Variants in GLIS3 observed in about 807,000 individuals in gnomAD.
GLIS3 encodes the protein zinc finger protein GLIS3.
Under a neutral mutation model 78.6 loss-of-function variants are expected in GLIS3, and 53 were observed. That is an observed-to-expected ratio of 0.67 (90% CI 0.54 to 0.85). GLIS3 has a LOEUF of 0.85. GLIS3 is among the 40% of genes least tolerant of loss of function. GLIS3 has a pLI of 0.00. For synonymous variants in GLIS3, 684 were observed against 509.9 expected (o/e 1.34, Z -4.60); for missense variants, 1,703 against 1,231.1 (o/e 1.38, Z -5.74).
chr9:3,881,766 T>C (rs1821744613), intron 7 of GLIS3, among the ~76,000 whole-genome samples: 1 of 152,234 alleles, frequency 6.6e-6, no homozygotes, highest in African/African-American at 2.4e-5. Flanking sequence ...TGTGTGTTCC[T>C]GCCCTTGGGG....
intron 4 of GLIS3, among the ~76,000 whole-genome samples, chr9:4,021,036 C>A (rs539376560): frequency 1.3e-5 from 2 of 152,214 alleles, no homozygotes; most frequent in African/African-American, 4.8e-5. Flanking sequence ...CTAACAGGAA[C>A]TGAGCATCTG....
At chr9:4,261,531 T>C (rs1825528561) in intron 2 of GLIS3, among the ~76,000 whole-genome samples, 1 of 152,154 alleles carries the variant, frequency 6.6e-6, no homozygotes, top group Admixed American at 6.6e-5. Context: ...CTCAGAGTAA[T>C]TCTGAAGGCT....
intron 3 of GLIS3, among the ~76,000 whole-genome samples, chr9:4,120,928 G>C (rs1832128833): frequency 6.6e-6 from 1 of 152,240 alleles, no homozygotes; most frequent in Non-Finnish European, 1.5e-5. Context: ...ACTGTTGAGA[G>C]ATGATTCTTA....
chr9:4,484,063 GAACTTCTATGTAGCAATAGTAT>G, the GLIS3 span, among the ~76,000 whole-genome samples: 1 of 152,102 alleles, frequency 6.6e-6, no homozygotes, highest in African/African-American at 2.4e-5. Context: ...AGCTAAAATG[GAACTTCTATGTAGCAATAGTAT>G]AAATATAGTT....
At chr9:4,319,271 G>T (rs1817484367) in intron 2 of GLIS3, among the ~76,000 whole-genome samples, 1 of 152,058 alleles carries the variant, frequency 6.6e-6, no homozygotes, top group East Asian at 1.9e-4. Flanking sequence ...ACTGTACTTA[G>T]GGGCAACATT....
At chr9:3,903,061 TG>T (rs1277101936) in intron 6 of GLIS3, among the ~76,000 whole-genome samples, 1 of 152,202 alleles carries the variant, frequency 6.6e-6, no homozygotes, top group African/African-American at 2.4e-5. Context: ...TGTAGCTTGT[TG>T]TCATCATAAA....
intron 4 of GLIS3, chr9:4,054,264 C>T: frequency 1.2e-6 from 1 of 863,902 alleles, no homozygotes. Context: ...ACGGTCACTG[C>T]TCTATTCTCA....
the GLIS3 span, among the ~76,000 whole-genome samples, chr9:4,453,144 C>T: frequency 6.6e-6 from 1 of 152,030 alleles, no homozygotes; most frequent in Non-Finnish European, 1.5e-5. Context: ...TTCCTTACAC[C>T]TTATACAAAA....
At chr9:3,845,426 G>A (rs1187407329) in intron 9 of GLIS3, among the ~76,000 whole-genome samples, 1 of 152,092 alleles carries the variant, frequency 6.6e-6, no homozygotes, top group African/African-American at 2.4e-5. Flanking sequence ...AAGAATACTT[G>A]CCAATCTTTT....
At chr9:4,458,884 C>G in the GLIS3 span, among the ~76,000 whole-genome samples, 1 of 152,128 alleles carries the variant, frequency 6.6e-6, no homozygotes, top group East Asian at 1.9e-4. Flanking sequence ...GGGAAAGTGA[C>G]ATGTTCAAAG....
the GLIS3 span, among the ~76,000 whole-genome samples, chr9:4,441,214 G>A: frequency 1.3e-5 from 2 of 152,086 alleles, no homozygotes; most frequent in African/African-American, 2.4e-5. Flanking sequence ...TAAGAAATGG[G>A]CATCTTTGCC....
At chr9:3,968,562 A>C (rs1366583534) in intron 4 of GLIS3, among the ~76,000 whole-genome samples, 2 of 152,196 alleles carry the variant, frequency 1.3e-5, no homozygotes. Flanking sequence ...ATTATATAAG[A>C]AAGCTAAGGT....
chr9:3,928,734 A>C (rs1825418822), intron 6 of GLIS3, among the ~76,000 whole-genome samples: 1 of 152,244 alleles, frequency 6.6e-6, no homozygotes, highest in African/African-American at 2.4e-5. Flanking sequence ...TGCTTGGTTT[A>C]TAACAGCCTG....
At chr9:3,914,242 C>A (rs1358058606) in intron 6 of GLIS3, among the ~76,000 whole-genome samples, 1 of 152,054 alleles carries the variant, frequency 6.6e-6, no homozygotes, top group Non-Finnish European at 1.5e-5. Context: ...AATTCCTGGG[C>A]TCAAGCTATC....
intron 6 of GLIS3, chr9:3,901,373 C>G (rs1823289196): frequency 6.6e-6 from 1 of 152,352 alleles, no homozygotes; most frequent in Non-Finnish European, 1.5e-5. Context: ...TGCGTCTTTT[C>G]CAAACTTTCC....
chr9:4,458,953 G>C, the GLIS3 span, among the ~76,000 whole-genome samples: 26 of 152,180 alleles, frequency 1.7e-4, no homozygotes, highest in African/African-American at 5.8e-4. Flanking sequence ...GTGATAAGAG[G>C]CAAGATCAGA....
chr9:4,048,073 G>A (rs1825403423), intron 4 of GLIS3, among the ~76,000 whole-genome samples: 1 of 152,140 alleles, frequency 6.6e-6, no homozygotes, highest in South Asian at 2.1e-4. Context: ...ACCCATGATT[G>A]GAGAGCCCTA....
chr9:4,118,660 A>T lies in GLIS3; in HGVS notation c.818T>A (p.Leu273His). 1 of 1,614,150 alleles carries T rather than the reference A, an allele frequency of 6.2e-7. No homozygotes were observed. The highest frequency in any genetic ancestry group is 1.1e-5 in the South Asian group (1 of 91,074). ...NSVSNSLPSY[L>H]FGTESSHSPY... ...AGAGTGGCTACTTTCCGTGCCAAAA[A>T]GGTAGGATGGTAATGAGTTAGAGAC... The change falls in exon 4 of 11, where the codon CTT becomes CAT. Residue 273 changes from leucine (L) to histidine (H), a missense_variant. Transcript: ENST00000381971. This position sits in a 1 kb window ranked among gnomAD's most constrained non-coding sequence, Gnocchi z 4.7.
intron 2 of GLIS3, among the ~76,000 whole-genome samples, chr9:4,195,813 T>C (rs1818782630): frequency 6.6e-6 from 1 of 152,204 alleles, no homozygotes; most frequent in South Asian, 2.1e-4. Context: ...GCACTCTGTG[T>C]CTAACTCAAG....
Sources: gnomAD v4.1 joint callset for allele counts (sites outside exome capture counted in the v4.1 genomes callset) on GRCh38, gnomAD v4.1.1 for gene constraint, Gnocchi (gnomAD v3.1) non-coding constraint, MANE v1.5 for transcripts, NCBI Gene and HGNC (gene_info 2026-07-23, HGNC 2026-07-21) for gene names.